PFDN1: variants seen among roughly 807,000 people sequenced by gnomAD.
PFDN1 encodes the protein prefoldin 1.
A neutral mutation model predicts 17.3 loss-of-function variants in PFDN1; 6 were observed. The ratio of observed to expected loss-of-function variants is 0.35; its 90% CI spans 0.19 to 0.69. The LOEUF (loss-of-function observed/expected upper bound fraction) is 0.69. Ranked by LOEUF, PFDN1 falls within the 30% of genes least tolerant of loss-of-function variation. PFDN1 has a pLI of 0.65. For missense variants in PFDN1, 113 were observed against 146.2 expected (o/e 0.77, Z 1.17); for synonymous variants, 58 against 50.1 (o/e 1.16, Z -0.67).
At chr5:140,271,955 TATATATATTTATATACATAAG>T (rs1335408676) in intron 3 of PFDN1, among the ~76,000 whole-genome samples, 2,170 of 148,564 alleles carry the variant, frequency 0.015, 41 homozygotes, top group African/African-American at 0.042. Flanking sequence ...ATATACATAA[TATATATATTTATATACATAAG>T]ATATATATTT....
intron 3 of PFDN1, among the ~76,000 whole-genome samples, chr5:140,255,409 AC>A (rs1319993008): frequency 6.6e-6 from 1 of 152,078 alleles, no homozygotes; most frequent in Non-Finnish European, 1.5e-5. Flanking sequence ...AATTTACAGA[AC>A]CCTGGCCGAG....
At chr5:140,288,544 A>G (rs1158800701) in intron 2 of PFDN1, among the ~76,000 whole-genome samples, 2 of 152,218 alleles carry the variant, frequency 1.3e-5, no homozygotes, top group Non-Finnish European at 2.9e-5. Flanking sequence ...TAATTTATCA[A>G]TATGTTTTCA....
chr5:140,253,056 T>C (rs1342591796), intron 3 of PFDN1, among the ~76,000 whole-genome samples: 1 of 152,062 alleles, frequency 6.6e-6, no homozygotes, highest in Non-Finnish European at 1.5e-5. Flanking sequence ...GGGAGACAAA[T>C]CAAAGAAAGA....
At chr5:140,294,809 T>C (rs969290747) in intron 2 of PFDN1, among the ~76,000 whole-genome samples, 2 of 152,026 alleles carry the variant, frequency 1.3e-5, no homozygotes, top group African/African-American at 4.8e-5. Flanking sequence ...AGATCAACCA[T>C]TAAATTACTT....
chr5:140,289,264 G>A (rs1429008273), intron 2 of PFDN1, among the ~76,000 whole-genome samples: 3 of 150,232 alleles, frequency 2.0e-5, no homozygotes, highest in Non-Finnish European at 4.4e-5. Context: ...TCTAGACTGG[G>A]AGAAGGAAAA....
At chr5:140,268,889 TCTCTGTGATTTAAATGA>T (rs1238346640) in intron 3 of PFDN1, among the ~76,000 whole-genome samples, 1 of 152,238 alleles carries the variant, frequency 6.6e-6, no homozygotes, top group Non-Finnish European at 1.5e-5. Context: ...TACATGGACA[TCTCTGTGATTTAAATGA>T]CTGCAAAGAT....
At chr5:140,264,955 T>A (rs1765115894) in intron 3 of PFDN1, among the ~76,000 whole-genome samples, 1 of 152,214 alleles carries the variant, frequency 6.6e-6, no homozygotes, top group Admixed American at 6.5e-5. Context: ...AAAATCCTCT[T>A]AGGGACTTTT....
intron 2 of PFDN1, chr5:140,293,078 G>C (rs1481149111): frequency 6.6e-6 from 1 of 152,056 alleles, no homozygotes; most frequent in Non-Finnish European, 1.5e-5. Context: ...AAAATTGACT[G>C]TTTTCAGAGA....
In PFDN1 at chr5:140,245,507, A is replaced by G. The variant is rs1010222167; in HGVS notation, c.*467T>C. On this transcript the variant is annotated 3_prime_UTR_variant, in exon 4 of 4. Transcript: ENST00000261813. ...AAGGTACAGGAAGGGAAAAGAGAAGAGGGCAAGGCCCATCCCCCAAGAAAG... is the reference window on the plus strand; with the variant it reads ...AAGGTACAGGAAGGGAAAAGAGAAGGGGGCAAGGCCCATCCCCCAAGAAAG... 1.9e-5 allele frequency: 13 copies of G among 702,444 alleles called. No individual in the cohort carries two copies. In the African/African-American group the frequency reaches 2.3e-4, roughly 12 times the overall value. 43.5% of individuals were successfully genotyped at this position (702,444 alleles called of 1,614,324 possible). A position where few individuals can be genotyped will look rare whatever the true frequency, so the allele number is the denominator to read the frequency against.
intron 2 of PFDN1, among the ~76,000 whole-genome samples, chr5:140,284,696 A>C (rs1334776132): frequency 1.3e-5 from 2 of 152,216 alleles, no homozygotes; most frequent in African/African-American, 4.8e-5. Flanking sequence ...GAAGAGGGAA[A>C]GTATTCTCTC....
At chr5:140,271,953 AATAT>A (rs922147373) in intron 3 of PFDN1, among the ~76,000 whole-genome samples, 6 of 148,682 alleles carry the variant, frequency 4.0e-5, no homozygotes, top group South Asian at 2.1e-4. Context: ...ATATATACAT[AATAT>A]ATATATTTAT....
intron 3 of PFDN1, among the ~76,000 whole-genome samples, chr5:140,274,807 C>G (rs183092832): frequency 3.3e-5 from 5 of 151,972 alleles, no homozygotes; most frequent in Non-Finnish European, 7.4e-5. Context: ...AGTTCAAGAC[C>G]AGCCTGGCCA....
intron 2 of PFDN1, among the ~76,000 whole-genome samples, chr5:140,290,230 C>CTAGAT (rs1765559634): frequency 6.6e-6 from 1 of 152,076 alleles, no homozygotes; most frequent in Non-Finnish European, 1.5e-5. Flanking sequence ...AGTTGCATCC[C>CTAGAT]CCAAGATTTA....
At chr5:140,286,523 TG>T (rs1765493279) in intron 2 of PFDN1, among the ~76,000 whole-genome samples, 1 of 145,100 alleles carries the variant, frequency 6.9e-6, no homozygotes, top group African/African-American at 2.6e-5. Flanking sequence ...GAAATGGGAC[TG>T]GAAAAGAAAG....
intron 3 of PFDN1, among the ~76,000 whole-genome samples, chr5:140,253,278 C>T (rs1007243795): frequency 3.9e-5 from 6 of 152,214 alleles, no homozygotes; most frequent in South Asian, 4.1e-4. Context: ...TTTTACCTGC[C>T]GACAGACTGA....
intron 3 of PFDN1, among the ~76,000 whole-genome samples, chr5:140,261,863 A>G (rs1463865069): frequency 6.6e-6 from 1 of 152,088 alleles, no homozygotes; most frequent in Non-Finnish European, 1.5e-5. Flanking sequence ...TCAGGTCCAC[A>G]TCACCCAGTG....
intron 3 of PFDN1, among the ~76,000 whole-genome samples, chr5:140,263,987 C>G (rs1024033838): frequency 7.7e-6 from 1 of 129,058 alleles, no homozygotes; most frequent in Admixed American, 8.9e-5. Context: ...CGCCACTGCA[C>G]TCCAGCCTGG....
chr5:140,300,478 A>T lies in PFDN1; in HGVS notation c.138T>A (p.Leu46=). ...QLNRTKKHAH[L]TDTEIMTLVD... is the part of the protein sequence containing the mutation. ...CCAAAGTCATGATCTCTGTATCTGT[A>T]AGATGTGCATGCTTTTTCGTTCTGT... The change falls in exon 2 of 4, where the codon CTT becomes CTA. Residue 46 remains leucine (L), a synonymous_variant. Transcript: ENST00000261813. 1 of 1,611,084 alleles carries T rather than the reference A, an allele frequency of 6.2e-7. No homozygotes were observed. Among genetic ancestry groups the T allele is most frequent in the Non-Finnish European group, 8.5e-7 (1 of 1,177,276 alleles).
chr5:140,298,368 T>A (rs1673763037), intron 2 of PFDN1, among the ~76,000 whole-genome samples: 1 of 152,020 alleles, frequency 6.6e-6, no homozygotes, highest in Admixed American at 6.6e-5. Context: ...GAGGTCAAAT[T>A]CCATTCTAAC....
Sources: gnomAD v4.1 joint callset for allele counts (sites outside exome capture counted in the v4.1 genomes callset) on GRCh38, gnomAD v4.1.1 for gene constraint, MANE v1.5 for transcripts, NCBI Gene and HGNC (gene_info 2026-07-23, HGNC 2026-07-21) for gene names.